The following PRKAR1B variants were observed in gnomAD, a reference collection of about 807,000 sequenced individuals.
The protein encoded by PRKAR1B is protein kinase cAMP-dependent type I regulatory subunit beta.
A neutral mutation model predicts 46.5 loss-of-function variants in PRKAR1B; 22 were observed. The ratio of observed to expected loss-of-function variants is 0.47; its 90% confidence interval spans 0.34 to 0.68. The LOEUF is 0.68. PRKAR1B is among the 30% of genes least tolerant of loss of function. The pLI, the probability that PRKAR1B is intolerant of heterozygous loss-of-function variation, is 0.01. For synonymous variants in PRKAR1B, 259 were observed against 217.7 expected (o/e 1.19, Z -1.67); for missense variants, 445 against 535.6 (o/e 0.83, Z 1.67).
rs1375009305 is a variant in PRKAR1B at position 685,378 on chromosome 7, A to ATACG, written c.178-4653_178-4652insCGTA. 1.0e-3 allele frequency among the ~76,000 whole-genome samples: 15 copies of ATACG among 14,300 alleles called. 3 individuals carry two copies. The highest frequency in any genetic ancestry group is 1.5e-3 in the Non-Finnish European group (13 of 8,730). 9.4% of individuals were successfully genotyped at this position (14,300 alleles called of 152,430 possible). A position where few individuals can be genotyped will look rare whatever the true frequency, so the allele number is the denominator to read the frequency against. On this transcript the variant is annotated intron_variant, in intron 2 of 10. Coordinates refer to ENST00000537384, the MANE Select transcript of PRKAR1B (RefSeq NM_001164760.2). ...CATATATATATACACATATATATAT[A>ATACG]TACATACATATATATATATATATGT...
At chr7:648,516 C>T (rs750985406) in intron 4 of PRKAR1B, among the ~76,000 whole-genome samples, 35 of 152,204 alleles carry the variant, frequency 2.3e-4, no homozygotes, top group Admixed American at 4.6e-4. Context: ...GAGGCTGAGG[C>T]GGGAGAATCA....
At chr7:576,099 G>A (rs1369973040) in intron 9 of PRKAR1B, among the ~76,000 whole-genome samples, 3 of 151,130 alleles carry the variant, frequency 2.0e-5, no homozygotes, top group Non-Finnish European at 4.4e-5. Context: ...GGGCGTGCAC[G>A]CTGGCATAGT....
intron 1 of PRKAR1B, among the ~76,000 whole-genome samples, chr7:722,862 A>G (rs111487864): frequency 8.5e-5 from 13 of 152,300 alleles, no homozygotes; most frequent in African/African-American, 2.6e-4. Flanking sequence ...ACTCTATTCC[A>G]CCAGGCAGTT....
intron 4 of PRKAR1B, among the ~76,000 whole-genome samples, chr7:660,860 T>G (rs1314081435): frequency 9.9e-6 from 1 of 101,068 alleles, no homozygotes; most frequent in Non-Finnish European, 1.9e-5. Context: ...ATACCTACTC[T>G]GCCCCCCATG....
intron 4 of PRKAR1B, among the ~76,000 whole-genome samples, chr7:646,925 C>T (rs962214339): frequency 7.2e-5 from 11 of 152,212 alleles, no homozygotes; most frequent in Admixed American, 2.0e-4. Flanking sequence ...GGGCTGAGGG[C>T]GGCAGCGGTA....
chr7:583,667 C>T (rs1780416837), intron 8 of PRKAR1B, among the ~76,000 whole-genome samples: 1 of 146,356 alleles, frequency 6.8e-6, no homozygotes, highest in South Asian at 2.1e-4. Context: ...TGCGCACACA[C>T]CCACACACAA....
At position 550,042 on chromosome 7, in the gene PRKAR1B, C is replaced by T. The variant is rs922228752; in HGVS notation, c.*388G>A. 3 of 210,190 alleles carry T rather than the reference C, an allele frequency of 1.4e-5. No homozygotes were observed. The highest frequency in any genetic ancestry group is 1.4e-4 in the South Asian group (2 of 13,952). 13.0% of individuals were successfully genotyped at this position (210,190 alleles called of 1,614,324 possible). ...TCAGACCTCAATCTGGGGGACCTGA[C>T]CTCACAGGGTCACCAGGCCCCAGGG... On this transcript the variant is annotated 3_prime_UTR_variant, in exon 11 of 11. Coordinates refer to ENST00000537384, the MANE Select transcript of PRKAR1B (RefSeq NM_001164760.2).
intron 1 of PRKAR1B, among the ~76,000 whole-genome samples, chr7:716,006 C>T (rs1430541261): frequency 3.1e-4 from 47 of 151,726 alleles, no homozygotes; most frequent in Admixed American, 3.1e-3. Context: ...TGAGCCACCG[C>T]ACCCGGCCTA....
intron 2 of PRKAR1B, among the ~76,000 whole-genome samples, chr7:706,422 A>ATTTTTTTTTTTTTT (rs33963335): frequency 0.062 from 6,345 of 101,802 alleles, 892 homozygotes; most frequent in Non-Finnish European, 0.076. Context: ...CAAATAAGGA[A>ATTTTTTTTTTTTTT]TTTTTTTTTT....
At chr7:645,892 G>T (rs1001881042) in intron 4 of PRKAR1B, among the ~76,000 whole-genome samples, 2 of 152,168 alleles carry the variant, frequency 1.3e-5, no homozygotes, top group African/African-American at 2.4e-5. Flanking sequence ...GCCCAGCCCC[G>T]ATCTGGTCCC....
At chr7:638,940 T>C (rs1784258564) in intron 4 of PRKAR1B, among the ~76,000 whole-genome samples, 1 of 143,930 alleles carries the variant, frequency 6.9e-6, no homozygotes, top group South Asian at 2.2e-4. Context: ...TATCCAGATG[T>C]GGTGGTGGGC....
intron 9 of PRKAR1B, among the ~76,000 whole-genome samples, chr7:567,926 G>T (rs886117418): frequency 6.6e-6 from 1 of 152,144 alleles, no homozygotes; most frequent in Non-Finnish European, 1.5e-5. Context: ...TTCAGCCTGG[G>T]AAGATGAAAC....
At chr7:587,178 C>A (rs1387036502) in intron 7 of PRKAR1B, among the ~76,000 whole-genome samples, 1 of 152,164 alleles carries the variant, frequency 6.6e-6, no homozygotes, top group Non-Finnish European at 1.5e-5. Flanking sequence ...AGAAGCAAGA[C>A]CCCTGACACT....
At chr7:665,432 C>T (rs1336700861) in intron 4 of PRKAR1B, among the ~76,000 whole-genome samples, 1 of 152,128 alleles carries the variant, frequency 6.6e-6, no homozygotes, top group Non-Finnish European at 1.5e-5. Context: ...GCCCGAGGCC[C>T]ATGGCCCAGG....
intron 4 of PRKAR1B, among the ~76,000 whole-genome samples, chr7:676,647 G>C (rs1450963989): frequency 6.6e-6 from 1 of 152,260 alleles, no homozygotes; most frequent in Non-Finnish European, 1.5e-5. Flanking sequence ...ACGCAGCATA[G>C]TATTTCGGGA....
rs571592316 is a variant in PRKAR1B, at chr7:652,643, G to A, written c.440+24586C>T. 1.4e-3 allele frequency among the ~76,000 whole-genome samples: 209 copies of A among 152,228 alleles called. 1 individual carries two copies. The highest frequency in any genetic ancestry group is 2.4e-3 in the Non-Finnish European group (165 of 68,036). On this transcript the variant is annotated intron_variant, in intron 4 of 10. Coordinates refer to ENST00000537384, the MANE Select transcript of PRKAR1B (RefSeq NM_001164760.2). ...TGTAAATCTGGAGGTTCTGCCCTAGGGACTGGCAGTCCAGGCTCACCATTT... is the reference window on the plus strand; with the variant it reads ...TGTAAATCTGGAGGTTCTGCCCTAGAGACTGGCAGTCCAGGCTCACCATTT...
At chr7:557,917 C>G (rs796939111) in intron 9 of PRKAR1B, among the ~76,000 whole-genome samples, 4 of 152,258 alleles carry the variant, frequency 2.6e-5, no homozygotes, top group South Asian at 4.1e-4. Context: ...TGGCACAAAC[C>G]TGGGAGGAGA....
intron 4 of PRKAR1B, among the ~76,000 whole-genome samples, chr7:670,533 G>A (rs867718312): frequency 3.7e-5 from 3 of 80,194 alleles, no homozygotes; most frequent in African/African-American, 9.9e-5. Context: ...TGAGCTCCCC[G>A]ACGCCACAGC....
intron 4 of PRKAR1B, among the ~76,000 whole-genome samples, chr7:654,639 C>G (rs557255894): frequency 8.6e-5 from 13 of 151,544 alleles, no homozygotes; most frequent in East Asian, 2.0e-4. Context: ...TTCATCATCA[C>G]CATCATTGCC....
Sources: allele counts gnomAD v4.1 joint callset (sites outside exome capture counted in the v4.1 genomes callset), GRCh38; gene constraint gnomAD v4.1.1; transcripts MANE v1.5; gene names NCBI Gene and HGNC (gene_info 2026-07-23, HGNC 2026-07-21).